MCC: variants seen among roughly 807,000 people sequenced by gnomAD.
MCC encodes colorectal mutant cancer protein.
MCC carries 90 observed loss-of-function variants against 116.2 expected under a neutral mutation model. That is an observed-to-expected ratio of 0.77 (90% CI 0.65 to 0.92). The LOEUF (loss-of-function observed/expected upper bound fraction) is 0.92. Ranked by LOEUF, MCC falls within the 40% of genes least tolerant of loss-of-function variation. The pLI is 0.00. For missense variants in MCC, 1,516 were observed against 1,312.2 expected, an observed-to-expected ratio of 1.16 and a Z score of -2.40; for synonymous variants, 578 against 510.5, an observed-to-expected ratio of 1.13 and a Z score of -1.78.
At chr5:113,054,099 A>G (rs376192983) in intron 14 of MCC, 140 bp from the exon 15 acceptor site, 2 of 628,166 alleles carry the variant, frequency 3.2e-6, no homozygotes, top group East Asian at 2.7e-5. Context: ...TTTTCTTCAC[A>G]GCATAGGAAA....
At chr5:113,086,459 A>G (rs1755207501) in intron 8 of MCC, among the ~76,000 whole-genome samples, 1 of 152,222 alleles carries the variant, frequency 6.6e-6, no homozygotes, top group Non-Finnish European at 1.5e-5. Context: ...CAAGTTACCT[A>G]CAGATGAGAT....
rs114721114 is a variant in MCC, at chr5:113,084,957, G to A, written c.1545+207C>T. ...AGCTGGCTGATTAATGAGAGCTGGC[G>A]TCCAGGTTGCAGCTGAGAGAGACTT... On this transcript the variant is annotated intron_variant, in intron 9 of 18. Transcript: ENST00000408903. 3.4e-3 allele frequency among the ~76,000 whole-genome samples: 511 copies of A among 152,324 alleles called. 7 individuals are homozygous for A. The highest frequency in any genetic ancestry group is 0.01 in the South Asian group (49 of 4,830).
chr5:113,326,694 T>C (rs541273714), intron 3 of MCC, among the ~76,000 whole-genome samples: 13 of 152,330 alleles, frequency 8.5e-5, no homozygotes, highest in African/African-American at 2.9e-4. Context: ...CACTACACTA[T>C]ATGGATTCAG....
intron 1 of MCC, among the ~76,000 whole-genome samples, chr5:113,467,465 G>C (rs967014615): frequency 8.5e-5 from 13 of 152,132 alleles, no homozygotes; most frequent in Non-Finnish European, 1.3e-4. Flanking sequence ...GCTTGTTTTT[G>C]TCAGGTTTAT....
At position 113,025,242 on chromosome 5, in the gene MCC, G is replaced by T. The variant is rs1261959025; in HGVS notation, c.*2060C>A. 2 of 115,482 alleles carry T rather than the reference G, an allele frequency of 1.7e-5. No homozygotes were observed. The highest frequency in any genetic ancestry group is 4.0e-5 in the Non-Finnish European group (2 of 49,786). The allele number at this position is 115,482 out of a possible 1,614,324, so 7.2% of individuals were successfully genotyped here. On this transcript the variant is annotated 3_prime_UTR_variant, in exon 19 of 19. Transcript: ENST00000408903. ...GCAAGCTGGAAAAATAGTGAAAACT[G>T]ATTTTTTTTTTTTTGGGGCATATGT...
chr5:113,392,894 C>T (rs1455912296), intron 1 of MCC, among the ~76,000 whole-genome samples: 2 of 152,022 alleles, frequency 1.3e-5, no homozygotes, highest in African/African-American at 4.8e-5. Flanking sequence ...TGTGGCATCA[C>T]ATAATGAAAT....
chr5:113,034,654 T>A (rs1390123599), intron 17 of MCC, among the ~76,000 whole-genome samples: 3 of 152,260 alleles, frequency 2.0e-5, no homozygotes, highest in African/African-American at 7.2e-5. Context: ...AATTAGTCAC[T>A]AAGAGAATTG....
intron 1 of MCC, among the ~76,000 whole-genome samples, chr5:113,439,177 C>G (rs1384046021): frequency 6.6e-6 from 1 of 152,172 alleles, no homozygotes; most frequent in Admixed American, 6.5e-5. Context: ...TATAAGGAGC[C>G]TGGGTTGCTG....
chr5:113,345,036 C>A (rs1254877364), intron 2 of MCC, among the ~76,000 whole-genome samples: 1 of 152,098 alleles, frequency 6.6e-6, no homozygotes, highest in Non-Finnish European at 1.5e-5. Flanking sequence ...AGCCCACTGC[C>A]CTGAAAGTGA....
At chr5:113,241,554 A>G (rs1321792090) in intron 3 of MCC, among the ~76,000 whole-genome samples, 3 of 152,262 alleles carry the variant, frequency 2.0e-5, no homozygotes, top group Non-Finnish European at 2.9e-5. Context: ...GTTTATTTAG[A>G]GAGAGATTGG....
At chr5:113,347,492 A>G (rs972324717) in intron 2 of MCC, among the ~76,000 whole-genome samples, 4 of 152,192 alleles carry the variant, frequency 2.6e-5, no homozygotes, top group African/African-American at 9.6e-5. Flanking sequence ...TAAAACTTAA[A>G]GTATAATAAA....
At chr5:113,214,064 T>C (rs1280376031) in intron 3 of MCC, among the ~76,000 whole-genome samples, 1 of 151,998 alleles carries the variant, frequency 6.6e-6, no homozygotes, top group Non-Finnish European at 1.5e-5. Context: ...CTCATTTCCC[T>C]CCTCCCACCC....
chr5:113,081,402 A>T (rs1390564442), intron 11 of MCC, among the ~76,000 whole-genome samples: 1 of 152,036 alleles, frequency 6.6e-6, no homozygotes, highest in African/African-American at 2.4e-5. Context: ...TGTCTGCGAG[A>T]GCCCTTTGTA....
intron 1 of MCC, among the ~76,000 whole-genome samples, chr5:113,466,448 C>G (rs561027616): frequency 6.7e-6 from 1 of 150,334 alleles, no homozygotes; most frequent in South Asian, 2.1e-4. Context: ...GTTTTTTGTC[C>G]TTGCCATAGT....
At chr5:113,333,147 AAAG>A (rs1288493910) in intron 3 of MCC, among the ~76,000 whole-genome samples, 1 of 151,666 alleles carries the variant, frequency 6.6e-6, no homozygotes, top group South Asian at 2.1e-4. Flanking sequence ...TTTAAACCAA[AAAG>A]AAGACCTCTG....
intron 3 of MCC, among the ~76,000 whole-genome samples, chr5:113,173,320 T>C (rs1337703279): frequency 1.3e-5 from 2 of 152,206 alleles, no homozygotes; most frequent in African/African-American, 4.8e-5. Context: ...ATGGCATACA[T>C]GAATTAGAAA....
intron 3 of MCC, among the ~76,000 whole-genome samples, chr5:113,199,060 C>T (rs1042753695): frequency 6.6e-6 from 1 of 152,026 alleles, no homozygotes; most frequent in Non-Finnish European, 1.5e-5. Flanking sequence ...CCCAGCTACT[C>T]TGGAGGCTGA....
At chr5:113,258,227 T>C (rs1202239546) in intron 3 of MCC, among the ~76,000 whole-genome samples, 1 of 152,224 alleles carries the variant, frequency 6.6e-6, no homozygotes, top group Admixed American at 6.5e-5. Flanking sequence ...ATAATAACAT[T>C]AATATAACAT....
intron 1 of MCC, among the ~76,000 whole-genome samples, chr5:113,450,012 C>A (rs867125874): frequency 2.0e-5 from 3 of 152,148 alleles, no homozygotes; most frequent in Middle Eastern, 3.4e-3. Flanking sequence ...CACAATTGCA[C>A]AATGTATAAT....
Sources: gnomAD v4.1 joint callset for allele counts (sites outside exome capture counted in the v4.1 genomes callset) on GRCh38, gnomAD v4.1.1 for gene constraint, MANE v1.5 for transcripts, NCBI Gene and HGNC (gene_info 2026-07-23, HGNC 2026-07-21) for gene names.